The following PDE10A variants were observed in gnomAD, a reference collection of about 807,000 sequenced individuals.
The protein encoded by PDE10A is phosphodiesterase 10A, also known as cAMP and cAMP-inhibited cGMP 3',5'-cyclic phosphodiesterase 10A.
In PDE10A, 39 loss-of-function variants were observed where a neutral mutation model predicts 97.7. The observed-to-expected ratio is 0.40, with a 90% CI of 0.31 to 0.52. The LOEUF (loss-of-function observed/expected upper bound fraction) is 0.52, where lower values mean the gene tolerates loss of function less well. Ranked by LOEUF, PDE10A falls within the 20% of genes least tolerant of loss-of-function variation. The pLI is 0.56. For synonymous variants in PDE10A, 371 were observed against 376.8 expected (o/e 0.98, Z 0.18); for missense variants, 731 against 1,047.8 (o/e 0.70, Z 4.17).
At chr6:165,818,463 T>G (rs993160534) in intron 1 of PDE10A, among the ~76,000 whole-genome samples, 14 of 152,104 alleles carry the variant, frequency 9.2e-5, no homozygotes, top group African/African-American at 3.4e-4. Context: ...CATGCTGCAA[T>G]CCAGGGGAAG....
chr6:165,486,307 C>A (rs1429054069), intron 2 of PDE10A, among the ~76,000 whole-genome samples: 1 of 152,146 alleles, frequency 6.6e-6, no homozygotes, highest in African/African-American at 2.4e-5. Flanking sequence ...ATCAGAAAAA[C>A]TAAATTGGTC....
chr6:165,878,289 A>G (rs1185689554), intron 1 of PDE10A, among the ~76,000 whole-genome samples: 1 of 152,208 alleles, frequency 6.6e-6, no homozygotes, highest in African/African-American at 2.4e-5. Context: ...AAGTCACCTA[A>G]TTTCAGAAGT....
intron 2 of PDE10A, among the ~76,000 whole-genome samples, chr6:165,503,947 T>C (rs375580624): frequency 1.8e-4 from 28 of 152,340 alleles, no homozygotes; most frequent in African/African-American, 6.5e-4. Context: ...TCAATCTTGC[T>C]ACTGTATTTC....
At chr6:165,768,132 GTTAT>G (rs1777913816) in intron 1 of PDE10A, among the ~76,000 whole-genome samples, 1 of 152,004 alleles carries the variant, frequency 6.6e-6, no homozygotes, top group African/African-American at 2.4e-5. Flanking sequence ...TGTAAATTGC[GTTAT>G]TTGCCTTTTT....
Position 165,431,490 on chromosome 6 carries a change from T to G in PDE10A, c.1492-18A>C. The stretch of plus-strand genomic sequence containing the variant: ...GTTGCAACCTAAAAAAAACAAGAAA[T>G]ACATACCTATAAGTAATAATACATA... On this transcript the variant is annotated intron_variant, in intron 7 of 21. Coordinates refer to ENST00000539869, the MANE Select transcript of PDE10A (RefSeq NM_001385079.1). 6.8e-7 allele frequency: 1 copy of G among 1,479,522 alleles called. No individual in the cohort carries two copies. The highest frequency in any genetic ancestry group is 9.4e-7 in the Non-Finnish European group (1 of 1,067,978). The allele number at this position is 1,479,522 out of a possible 1,614,324, so 91.6% of individuals were successfully genotyped here. A position where few individuals can be genotyped will look rare whatever the true frequency, so the allele number is the denominator to read the frequency against.
At chr6:165,692,471 G>A (rs765465184) in intron 1 of PDE10A, among the ~76,000 whole-genome samples, 4 of 152,128 alleles carry the variant, frequency 2.6e-5, no homozygotes, top group Non-Finnish European at 5.9e-5. Flanking sequence ...GCAGCGCTGG[G>A]CTCTCAGCCT....
intron 1 of PDE10A, among the ~76,000 whole-genome samples, chr6:165,701,552 G>A: frequency 6.6e-6 from 1 of 152,150 alleles, no homozygotes; most frequent in East Asian, 1.9e-4. Flanking sequence ...GCCACAATCT[G>A]GAAGAGGAAG....
At chr6:165,929,245 G>A (rs1236172607) in intron 1 of PDE10A, among the ~76,000 whole-genome samples, 5 of 152,184 alleles carry the variant, frequency 3.3e-5, no homozygotes, top group South Asian at 2.1e-4. Flanking sequence ...TGTAAAGCAC[G>A]CAGGAGTCCT....
chr6:165,603,152 G>A (rs1787046111), intron 1 of PDE10A, among the ~76,000 whole-genome samples: 1 of 152,122 alleles, frequency 6.6e-6, no homozygotes. Flanking sequence ...GCATCTTTTA[G>A]AAAATATATT....
intron 1 of PDE10A, among the ~76,000 whole-genome samples, chr6:165,797,393 T>C (rs934245662): frequency 3.9e-5 from 6 of 152,232 alleles, no homozygotes; most frequent in African/African-American, 1.4e-4. Flanking sequence ...TATCATTTAT[T>C]CTACATATAC....
chr6:165,724,127 G>A (rs1792233342), intron 1 of PDE10A, among the ~76,000 whole-genome samples: 1 of 152,152 alleles, frequency 6.6e-6, no homozygotes, highest in Non-Finnish European at 1.5e-5. Flanking sequence ...CACAGACAGG[G>A]CACACACTGG....
intron 16 of PDE10A, among the ~76,000 whole-genome samples, chr6:165,389,940 T>C (rs779611473): frequency 3.3e-5 from 5 of 152,232 alleles, no homozygotes; most frequent in Non-Finnish European, 7.3e-5. Context: ...ACATTTCATA[T>C]GACAGTTTCT....
intron 1 of PDE10A, among the ~76,000 whole-genome samples, chr6:165,976,668 G>A (rs1784854174): frequency 2.0e-5 from 3 of 152,150 alleles, no homozygotes; most frequent in Admixed American, 2.0e-4. Flanking sequence ...GACCCTTCAC[G>A]GGTTTTTCAT....
intron 1 of PDE10A, among the ~76,000 whole-genome samples, chr6:165,560,826 C>A (rs2322942): frequency 6.6e-6 from 1 of 151,758 alleles, no homozygotes. Context: ...GTGGGGGCTG[C>A]TGAGAGGTGA....
chr6:165,342,466 AC>A (rs2128180196), intron 19 of PDE10A, among the ~76,000 whole-genome samples: 1 of 152,316 alleles, frequency 6.6e-6, no homozygotes, highest in Non-Finnish European at 1.5e-5. Flanking sequence ...AGTATAATCA[AC>A]TCAAGGTCTG....
intron 3 of PDE10A, among the ~76,000 whole-genome samples, chr6:165,462,910 T>C (rs1778411515): frequency 6.6e-6 from 1 of 152,214 alleles, no homozygotes. Flanking sequence ...CTGATCTCAG[T>C]ATTTACCATA....
At chr6:165,615,306 T>C (rs757986355) in intron 1 of PDE10A, among the ~76,000 whole-genome samples, 23 of 152,180 alleles carry the variant, frequency 1.5e-4, no homozygotes, top group Non-Finnish European at 2.8e-4. Flanking sequence ...ATAAATCACA[T>C]TTGATAAGTT....
chr6:165,738,733 T>A (rs1200277404), intron 1 of PDE10A, among the ~76,000 whole-genome samples: 2 of 152,230 alleles, frequency 1.3e-5, no homozygotes, highest in Non-Finnish European at 2.9e-5. Flanking sequence ...TATCTCATTG[T>A]GGTTTTGATT....
intron 1 of PDE10A, among the ~76,000 whole-genome samples, chr6:165,697,129 C>A (rs1373963629): frequency 6.6e-6 from 1 of 152,138 alleles, no homozygotes; most frequent in African/African-American, 2.4e-5. Flanking sequence ...ATGGCTGAAA[C>A]TTCCCAAATT....
Sources: allele counts gnomAD v4.1 joint callset (sites outside exome capture counted in the v4.1 genomes callset), GRCh38; gene constraint gnomAD v4.1.1; transcripts MANE v1.5; gene names NCBI Gene and HGNC (gene_info 2026-07-23, HGNC 2026-07-21).